Variants in ADCY5 observed in about 807,000 individuals in gnomAD.
ADCY5 encodes adenylate cyclase type 5.
Under a neutral mutation model 119.7 loss-of-function variants are expected in ADCY5, and 30 were observed. The ratio of observed to expected loss-of-function variants is 0.25; its 90% confidence interval spans 0.19 to 0.34. The LOEUF (loss-of-function observed/expected upper bound fraction) is 0.34. Among genes scored for constraint, ADCY5 ranks in the 10% least tolerant of loss-of-function variants. The pLI is 1.00. For synonymous variants in ADCY5, 753 were observed against 762.2 expected (o/e 0.99, Z 0.20); for missense variants, 1,324 against 1,775.2 (o/e 0.75, Z 4.57).
rs59624746 is a variant in ADCY5 at position 123,407,295 on chromosome 3, A to G, written c.1134+40117T>C. Among the ~76,000 whole-genome samples, 479 of 152,294 alleles carry G rather than the reference A, an allele frequency of 3.1e-3. 4 individuals are homozygous for G. Among genetic ancestry groups the G allele is most frequent in the African/African-American group, 0.011 (458 of 41,562 alleles). ...AGATGCCCTCTCTTCTTAAACATGC[A>G]TCACACTTCAGCAACCAGCAGTAGC... On this transcript the variant is annotated intron_variant, in intron 1 of 20. Coordinates refer to ENST00000462833, the MANE Select transcript of ADCY5 (RefSeq NM_183357.3).
chr3:123,318,838 T>C (rs950968221), intron 10 of ADCY5, among the ~76,000 whole-genome samples: 2 of 151,396 alleles, frequency 1.3e-5, no homozygotes, highest in Admixed American at 6.6e-5. Context: ...ACTACTTCAC[T>C]GGGGGGCCGA....
intron 1 of ADCY5, among the ~76,000 whole-genome samples, chr3:123,443,847 C>G (rs1031012306): frequency 6.6e-6 from 1 of 152,052 alleles, no homozygotes; most frequent in African/African-American, 2.4e-5. Context: ...ATAATAATAC[C>G]CCATATTTGA....
At chr3:123,290,807 T>A (rs1939097767) in intron 18 of ADCY5, among the ~76,000 whole-genome samples, 1 of 152,160 alleles carries the variant, frequency 6.6e-6, no homozygotes. Flanking sequence ...TGCCAAAGGC[T>A]AAGTTCAAAC....
intron 1 of ADCY5, among the ~76,000 whole-genome samples, chr3:123,384,195 G>T (rs941171963): frequency 6.6e-6 from 1 of 152,186 alleles, no homozygotes; most frequent in African/African-American, 2.4e-5. Context: ...CCCAAGAAAA[G>T]ACCCTGAGGG....
intron 3 of ADCY5, among the ~76,000 whole-genome samples, chr3:123,345,765 G>GACACACACACACACACACAC (rs1491192654): frequency 1.0e-4 from 14 of 135,438 alleles, no homozygotes; most frequent in Admixed American, 2.2e-4. Context: ...CAGACAGACA[G>GACACACACACACACACACAC]ACAGACACAC....
intron 2 of ADCY5, among the ~76,000 whole-genome samples, chr3:123,351,471 C>A (rs111689610): frequency 3.9e-5 from 6 of 152,192 alleles, no homozygotes; most frequent in African/African-American, 1.4e-4. Context: ...CAGCATGCGG[C>A]ACTTAGATGA....
chr3:123,425,057 C>CA (rs1393469855), intron 1 of ADCY5, among the ~76,000 whole-genome samples: 2 of 152,222 alleles, frequency 1.3e-5, no homozygotes, highest in African/African-American at 4.8e-5. Flanking sequence ...GCAGCCCAGG[C>CA]ATGAGGGGCC....
chr3:123,309,776 G>A (rs1289764224), intron 12 of ADCY5, among the ~76,000 whole-genome samples: 1 of 152,164 alleles, frequency 6.6e-6, no homozygotes, highest in Non-Finnish European at 1.5e-5. Flanking sequence ...AGGGGGAAAG[G>A]TAAACATGGG....
chr3:123,309,471 G>A (rs1940423556), intron 12 of ADCY5, among the ~76,000 whole-genome samples: 1 of 152,128 alleles, frequency 6.6e-6, no homozygotes, highest in South Asian at 2.1e-4. Context: ...AACCACCTGG[G>A]TTTAAATCCT....
chr3:123,356,768 T>G (rs538874098), intron 1 of ADCY5, among the ~76,000 whole-genome samples: 1 of 152,338 alleles, frequency 6.6e-6, no homozygotes, highest in East Asian at 1.9e-4. Context: ...ATGGTCCAGC[T>G]ACTTTGGAAA....
At chr3:123,320,836 G>A (rs2108350127) in intron 8 of ADCY5, 65 bp from the exon 9 acceptor site, 1 of 1,289,472 alleles carries the variant, frequency 7.8e-7, no homozygotes, top group Non-Finnish European at 1.1e-6. Context: ...AAAGCTCAGA[G>A]GCGTCTAGAT....
At chr3:123,411,283 A>C (rs1945039605) in intron 1 of ADCY5, among the ~76,000 whole-genome samples, 1 of 152,218 alleles carries the variant, frequency 6.6e-6, no homozygotes, top group South Asian at 2.1e-4. Context: ...GGGCTGAGCA[A>C]GTATAAGAGC....
At chr3:123,331,152 GAACT>G in intron 4 of ADCY5, 136 bp from the exon 5 acceptor site, 1 of 915,010 alleles carries the variant, frequency 1.1e-6, no homozygotes, top group Non-Finnish European at 1.6e-6. Context: ...GCCCACGCCG[GAACT>G]CGGCATGGTC....
intron 16 of ADCY5, among the ~76,000 whole-genome samples, chr3:123,296,637 G>A (rs1427438889): frequency 2.0e-5 from 3 of 152,222 alleles, no homozygotes; most frequent in African/African-American, 7.2e-5. Context: ...CCTTGGGCAA[G>A]TGTCTTAATC....
chr3:123,437,969 G>A (rs568166954), intron 1 of ADCY5, among the ~76,000 whole-genome samples: 1 of 152,322 alleles, frequency 6.6e-6, no homozygotes, highest in South Asian at 2.1e-4. Flanking sequence ...TTCTGACCCA[G>A]ATGGAGAATG....
chr3:123,315,739 C>A (rs1330096428), intron 11 of ADCY5, among the ~76,000 whole-genome samples: 4 of 152,142 alleles, frequency 2.6e-5, no homozygotes, highest in Non-Finnish European at 1.5e-5. Flanking sequence ...CCATACCTAG[C>A]TGATTTTTGC....
At chr3:123,324,754 C>G (rs1056967797) in intron 8 of ADCY5, among the ~76,000 whole-genome samples, 9 of 152,304 alleles carry the variant, frequency 5.9e-5, no homozygotes, top group African/African-American at 2.2e-4. Context: ...ATGGCCTCCC[C>G]GACTTGCTCA....
chr3:123,358,192 G>GTGTGTT (rs1553735679), intron 1 of ADCY5, among the ~76,000 whole-genome samples: 1 of 148,114 alleles, frequency 6.8e-6, no homozygotes, highest in Non-Finnish European at 1.5e-5. Context: ...GTGTGTGTGT[G>GTGTGTT]TGTAGGGAGT....
intron 1 of ADCY5, among the ~76,000 whole-genome samples, chr3:123,396,430 GGAAAGAGA>G (rs1944567590): frequency 9.2e-6 from 1 of 108,800 alleles, no homozygotes; most frequent in African/African-American, 3.8e-5. Context: ...AGGGAGGGAG[GGAAAGAGA>G]AAGGAAGGAA....
Sources: allele counts gnomAD v4.1 joint callset (sites outside exome capture counted in the v4.1 genomes callset), GRCh38; gene constraint gnomAD v4.1.1; transcripts MANE v1.5; gene names NCBI Gene and HGNC (gene_info 2026-07-23, HGNC 2026-07-21).